Variants in DLC1 observed in about 807,000 individuals in gnomAD.
DLC1 encodes rho GTPase-activating protein 7.
Under a neutral mutation model 140.3 loss-of-function variants are expected in DLC1, and 54 were observed. That is an observed-to-expected ratio of 0.38 (90% CI 0.31 to 0.48). DLC1 has a LOEUF of 0.48. Among genes scored for constraint, DLC1 ranks in the 20% least tolerant of loss-of-function variants. The pLI is 0.96. For missense variants in DLC1, 2,536 were observed against 1,907.0 expected (o/e 1.33, Z -6.14); for synonymous variants, 986 against 728.1 (o/e 1.35, Z -5.70).
intron 4 of DLC1, among the ~76,000 whole-genome samples, chr8:13,360,078 C>T (rs574709408): frequency 1.6e-4 from 24 of 152,242 alleles, no homozygotes; most frequent in African/African-American, 5.8e-4. Context: ...TTGCCTATCC[C>T]CACAGGAGAC....
rs371298319 is a variant in DLC1, at chr8:13,114,523, A to AT, written c.1420+1062dup. Among the ~76,000 whole-genome samples the AT allele has an allele frequency of 5.0e-4, 74 of 148,396 alleles. 1 individual carries two copies. The highest frequency in any genetic ancestry group is 7.0e-3 in the Middle Eastern group (2 of 286). ...ATGTTAAGAATTCAGCACAGATCCT[A>AT]TTTTTTTTTTTGAACCATTTTTCTC... On this transcript the variant is annotated intron_variant, in intron 6 of 17. Coordinates refer to ENST00000276297, the MANE Select transcript of DLC1 (RefSeq NM_182643.3).
chr8:13,126,360 T>C (rs1399586834), intron 5 of DLC1, among the ~76,000 whole-genome samples: 1 of 126,048 alleles, frequency 7.9e-6, no homozygotes, highest in Non-Finnish European at 1.6e-5. Context: ...CACATATCTC[T>C]CTATCCATAC....
rs75358487 is a variant in DLC1, at chr8:13,521,639, T to C, written c.-125-21443A>G. ...GCCTTCTGAGATTCATTCTAACTAG[T>C]TCCTCATCCCATACTTCACAATGCA... On this transcript the variant is annotated intron_variant, in intron 1 of 1. Coordinates refer to the DLC1 transcript ENST00000631382. Among the ~76,000 whole-genome samples, 388 of 152,274 alleles carry C rather than the reference T, an allele frequency of 2.5e-3. 4 individuals carry two copies. The highest frequency in any genetic ancestry group is 8.5e-3 in the African/African-American group (355 of 41,574).
intron 4 of DLC1, among the ~76,000 whole-genome samples, chr8:13,387,036 A>T (rs773488213): frequency 6.6e-6 from 1 of 151,966 alleles, no homozygotes; most frequent in Non-Finnish European, 1.5e-5. Flanking sequence ...TGTTTTAATT[A>T]AAAACTGTAT....
chr8:13,255,528 A>C (rs551989373), intron 5 of DLC1, among the ~76,000 whole-genome samples: 7 of 152,322 alleles, frequency 4.6e-5, no homozygotes, highest in African/African-American at 1.7e-4. Context: ...AAATGAATGG[A>C]ATGAAAGAAA....
rs78260080 is a variant in DLC1 at position 13,478,476 on chromosome 8, C to G, written c.1023+20573G>C. Among the ~76,000 whole-genome samples, 729 of 152,318 alleles carry G rather than the reference C, an allele frequency of 4.8e-3. 7 individuals are homozygous for G. Among genetic ancestry groups the G allele is most frequent in the African/African-American group, 0.017 (709 of 41,580 alleles). On this transcript the variant is annotated intron_variant, in intron 2 of 17. Coordinates refer to ENST00000276297, the MANE Select transcript of DLC1 (RefSeq NM_182643.3). ...TGTCAGTGCATATTCTTCACCTTCT[C>G]TCCTGTTCAGGGATGAACTCTTAGC...
chr8:13,256,516 A>C (rs1830235036), intron 5 of DLC1, among the ~76,000 whole-genome samples: 1 of 152,232 alleles, frequency 6.6e-6, no homozygotes, highest in Non-Finnish European at 1.5e-5. Flanking sequence ...TGTGGCACAT[A>C]TACACCATGG....
intron 2 of DLC1, among the ~76,000 whole-genome samples, chr8:13,434,463 AT>A (rs1438084558): frequency 2.0e-5 from 3 of 151,440 alleles, no homozygotes; most frequent in African/African-American, 7.3e-5. Flanking sequence ...GACAGTTAGT[AT>A]TGAGAATGTG....
At chr8:13,401,318 G>T in intron 3 of DLC1, 152 bp downstream of exon 3, 2 of 856,944 alleles carry the variant, frequency 2.3e-6, no homozygotes, top group Non-Finnish European at 1.7e-6. Flanking sequence ...TATGCATGAT[G>T]CATAGAAGTA....
At chr8:13,094,713 C>G (rs1044809225) in intron 12 of DLC1, 46 bp downstream of exon 12, 14 of 1,609,200 alleles carry the variant, frequency 8.7e-6, no homozygotes, top group Admixed American at 3.3e-5. Flanking sequence ...TCAGTTGGTC[C>G]CATTTTTCCC....
chr8:13,584,616 T>G (rs1805236626), intron 1 of DLC1: 1 of 152,328 alleles, frequency 6.6e-6, no homozygotes, highest in Non-Finnish European at 1.5e-5. Context: ...TTCAAGCTGG[T>G]AGAAGTCATG....
At chr8:13,423,483 A>G (rs1838411469) in intron 2 of DLC1, among the ~76,000 whole-genome samples, 1 of 152,114 alleles carries the variant, frequency 6.6e-6, no homozygotes. Flanking sequence ...TCTCTCTGTT[A>G]TTTGTGGATA....
intron 5 of DLC1, among the ~76,000 whole-genome samples, chr8:13,211,314 G>A (rs1412849918): frequency 4.6e-5 from 7 of 152,086 alleles, no homozygotes; most frequent in African/African-American, 1.4e-4. Flanking sequence ...TTTGCCTAGG[G>A]GTAGCCCTGC....
intron 15 of DLC1, 65 bp downstream of exon 15, chr8:13,090,187 T>C: frequency 6.7e-7 from 1 of 1,489,064 alleles, no homozygotes; most frequent in Non-Finnish European, 9.2e-7. Context: ...AAAAGCGTGT[T>C]ATCTCTGATG....
intron 4 of DLC1, among the ~76,000 whole-genome samples, chr8:13,335,193 C>T (rs922812730): frequency 3.3e-5 from 5 of 152,088 alleles, no homozygotes; most frequent in African/African-American, 1.2e-4. Flanking sequence ...GAGAAAATGC[C>T]TTGGGGTCTG....
chr8:13,560,287 A>T (rs1463072154), intron 1 of DLC1, among the ~76,000 whole-genome samples: 1 of 152,212 alleles, frequency 6.6e-6, no homozygotes, highest in African/African-American at 2.4e-5. Context: ...ACTAAAAAAA[A>T]ACTTTCACTT....
intron 2 of DLC1, among the ~76,000 whole-genome samples, chr8:13,488,343 A>C (rs1410965323): frequency 1.3e-5 from 2 of 152,134 alleles, no homozygotes; most frequent in Non-Finnish European, 2.9e-5. Context: ...TAGCTTTTTT[A>C]TTAATTAATC....
intron 5 of DLC1, among the ~76,000 whole-genome samples, chr8:13,120,370 T>TATATATATATATA (rs369581778): frequency 9.0e-6 from 1 of 110,874 alleles, no homozygotes; most frequent in Non-Finnish European, 1.9e-5. Context: ...TATATATATA[T>TATATATATATATA]AAAATGTATA....
At chr8:13,342,549 A>G (rs973584644) in intron 4 of DLC1, 5 of 152,210 alleles carry the variant, frequency 3.3e-5, no homozygotes, top group Non-Finnish European at 5.9e-5. Context: ...GAAGGCCTTA[A>G]GAGGAAAGAC....
Sources: gnomAD v4.1 joint callset for allele counts (sites outside exome capture counted in the v4.1 genomes callset) on GRCh38, gnomAD v4.1.1 for gene constraint, MANE v1.5 for transcripts, NCBI Gene and HGNC (gene_info 2026-07-23, HGNC 2026-07-21) for gene names.